Variants in DMD observed in about 807,000 individuals in gnomAD.
DMD encodes the protein dystrophin.
In DMD, 63 loss-of-function variants were observed where a neutral mutation model predicts 330.1. The ratio of observed to expected loss-of-function variants is 0.19; its 90% CI spans 0.16 to 0.24. The LOEUF is 0.24. DMD is among the 10% of genes least tolerant of loss of function. The probability of loss-of-function intolerance (pLI) is 1.00; values close to 1 mark genes in which losing one functional copy is unlikely to be tolerated. For synonymous variants in DMD, 1,223 were observed against 959.8 expected (o/e 1.27, Z -5.07); for missense variants, 3,344 against 2,684.1 (o/e 1.25, Z -5.43).
intron 1 of DMD, among the ~76,000 whole-genome samples, chrX:33,205,942 C>A (rs911051861): frequency 1.8e-5 from 2 of 111,340 alleles, no homozygotes; most frequent in Non-Finnish European, 3.8e-5. Context: ...ATGATTCGAG[C>A]ATCTGATTTT....
At chrX:32,384,361 T>TAAAGGTATCTCATTCC (rs201456383) in intron 33 of DMD, among the ~76,000 whole-genome samples, 16,179 of 109,116 alleles carry the variant, frequency 0.15, 1,223 homozygotes, top group African/African-American at 0.27. Flanking sequence ...CTAGAGGATA[T>TAAAGGTATCTCATTCC]AAAGGTATCT....
chrX:31,611,081 T>A (rs1603424845), intron 55 of DMD, among the ~76,000 whole-genome samples: 2 of 94,099 alleles, frequency 2.1e-5, no homozygotes, highest in Admixed American at 1.2e-4. Flanking sequence ...TCTTGCAGAA[T>A]CATTTTTTTT....
intron 44 of DMD, among the ~76,000 whole-genome samples, chrX:32,089,600 G>A (rs188414863): frequency 2.4e-3 from 271 of 111,626 alleles, no homozygotes; most frequent in Non-Finnish European, 4.0e-3. Flanking sequence ...CATCCATGTC[G>A]CTGCAAAGGA....
intron 9 of DMD, among the ~76,000 whole-genome samples, chrX:32,667,602 A>T (rs17243708): frequency 0.031 from 3,489 of 111,356 alleles, 61 homozygotes; most frequent in South Asian, 0.065. Context: ...TGCACTAAAT[A>T]TTGTAGTTTA....
At chrX:32,858,391 G>A (rs775638187) in intron 2 of DMD, among the ~76,000 whole-genome samples, 6 of 112,141 alleles carry the variant, frequency 5.4e-5, no homozygotes, top group Admixed American at 9.4e-5. Flanking sequence ...GTGCAGTGGC[G>A]CAATCTTGGC....
intron 53 of DMD, among the ~76,000 whole-genome samples, chrX:31,659,185 GT>G (rs113654123): frequency 4.2e-4 from 47 of 111,692 alleles, no homozygotes; most frequent in African/African-American, 1.4e-3. Context: ...GCTGGGGACC[GT>G]TATCTATTAG....
intron 29 of DMD, among the ~76,000 whole-genome samples, chrX:32,414,353 A>G (rs200622014): frequency 8.9e-6 from 1 of 112,148 alleles, no homozygotes; most frequent in East Asian, 2.8e-4. Context: ...TAAAAATTCT[A>G]TCAAGTTAGA....
At chrX:32,242,879 T>C (rs1480272243) in intron 43 of DMD, among the ~76,000 whole-genome samples, 1 of 108,624 alleles carries the variant, frequency 9.2e-6, no homozygotes, top group Non-Finnish European at 1.9e-5. Flanking sequence ...TTGTTAGTTT[T>C]TTTGTGGTAC....
intron 26 of DMD, among the ~76,000 whole-genome samples, chrX:32,452,139 C>T (rs1402741882): frequency 9.3e-6 from 1 of 107,643 alleles, no homozygotes. Context: ...CAAAGGAACC[C>T]AGGGATAATC....
chrX:31,641,240 G>A (rs913700453), intron 54 of DMD, among the ~76,000 whole-genome samples: 9 of 111,624 alleles, frequency 8.1e-5, no homozygotes, highest in Non-Finnish European at 1.5e-4. Flanking sequence ...GGTGGCTCAC[G>A]CCTGTAATCC....
intron 29 of DMD, among the ~76,000 whole-genome samples, chrX:32,418,760 T>C (rs1430473492): frequency 3.7e-5 from 4 of 108,906 alleles, no homozygotes; most frequent in Admixed American, 2.9e-4. Context: ...AGTTGACACT[T>C]CAGGAGATCG....
At chrX:31,847,398 T>A (rs1004357871) in intron 48 of DMD, among the ~76,000 whole-genome samples, 8 of 111,676 alleles carry the variant, frequency 7.2e-5, no homozygotes, top group Non-Finnish European at 1.3e-4. Flanking sequence ...ATTTTGAAGA[T>A]AAATTTCTAC....
intron 44 of DMD, among the ~76,000 whole-genome samples, chrX:32,067,250 G>A (rs16990078): frequency 0.1 from 11,479 of 111,011 alleles, 669 homozygotes; most frequent in African/African-American, 0.22. Context: ...TAGGATCTCC[G>A]ACATGACTTG....
At chrX:32,283,671 T>C (rs988282467) in intron 43 of DMD, among the ~76,000 whole-genome samples, 4 of 111,981 alleles carry the variant, frequency 3.6e-5, no homozygotes, top group African/African-American at 1.3e-4. Flanking sequence ...ACAGCAGTCA[T>C]CAATCTATGG....
At chrX:32,625,769 C>T (rs891676861) in intron 11 of DMD, among the ~76,000 whole-genome samples, 5 of 111,960 alleles carry the variant, frequency 4.5e-5, no homozygotes, top group East Asian at 2.8e-4. Context: ...AATGGATAGA[C>T]TTTATAAAAC....
At chrX:33,286,758 G>A (rs537846716) in intron 1 of DMD, among the ~76,000 whole-genome samples, 2 of 112,193 alleles carry the variant, frequency 1.8e-5, no homozygotes, top group African/African-American at 6.5e-5. Context: ...AGGTAGTATC[G>A]CTGACAGGCT....
rs373448002 is a variant in DMD at position 31,203,978 on chromosome X, G to A, written c.9790C>T (p.Arg3264Trp). The A allele has an allele frequency of 2.3e-5, 28 of 1,207,551 alleles. No individual in the cohort carries two copies. The highest frequency in any genetic ancestry group is 3.0e-5 in the Non-Finnish European group (27 of 892,750). Residue 3264 changes from arginine (R) to tryptophan (W), a missense_variant, in exon 67 of 79, where the codon CGG (arginine) becomes TGG (tryptophan). By Grantham distance (101) the Arg-to-Trp change is moderately radical. Coordinates refer to ENST00000357033, the MANE Select transcript of DMD (RefSeq NM_004006.3). ...FGGSNIEPSV[R>W]SCFQFANNKP... ...TAACTTACAAATTGGAAGCAGCTCC[G>A]GACACTTGGCTCAATGTTACTGCCC... is the stretch of plus-strand genomic sequence containing the variant.
chrX:32,447,764 G>A (rs1223259803), intron 27 of DMD, among the ~76,000 whole-genome samples: 1 of 111,770 alleles, frequency 8.9e-6, no homozygotes, highest in Non-Finnish European at 1.9e-5. Context: ...TGTGCCCCTT[G>A]GCACAGTATT....
intron 62 of DMD, among the ~76,000 whole-genome samples, chrX:31,306,651 TTCCTAAATTGACAAAG>T (rs1181899383): frequency 2.7e-5 from 3 of 112,006 alleles, no homozygotes; most frequent in Admixed American, 9.5e-5. Context: ...GTAAACCAAA[TTCCTAAATTGACAAAG>T]TACTACGTAT....
Sources: gnomAD v4.1 joint callset for allele counts (sites outside exome capture counted in the v4.1 genomes callset) on GRCh38, gnomAD v4.1.1 for gene constraint, MANE v1.5 for transcripts, NCBI Gene and HGNC (gene_info 2026-07-23, HGNC 2026-07-21) for gene names.